TMEM117: variants seen among roughly 807,000 people sequenced by gnomAD.
TMEM117 encodes the protein transmembrane protein 117.
A neutral mutation model predicts 52.4 loss-of-function variants in TMEM117; 27 were observed. The observed-to-expected ratio is 0.51, with a 90% CI of 0.38 to 0.71. The LOEUF (loss-of-function observed/expected upper bound fraction) is 0.71. Among genes scored for constraint, TMEM117 ranks in the 30% least tolerant of loss-of-function variants. TMEM117 has a pLI of 0.00. For missense variants in TMEM117, 556 were observed against 630.5 expected, an observed-to-expected ratio of 0.88 and a Z score of 1.26; for synonymous variants, 215 against 206.3, an observed-to-expected ratio of 1.04 and a Z score of -0.36.
At chr12:44,306,514 A>G (rs1047187813) in intron 6 of TMEM117, among the ~76,000 whole-genome samples, 10 of 152,166 alleles carry the variant, frequency 6.6e-5, no homozygotes, top group African/African-American at 2.2e-4. Flanking sequence ...CAAGTTTTGG[A>G]TCCTTATACT....
At chr12:43,879,399 G>A (rs1179784550) in intron 2 of TMEM117, among the ~76,000 whole-genome samples, 1 of 152,192 alleles carries the variant, frequency 6.6e-6, no homozygotes, top group Non-Finnish European at 1.5e-5. Flanking sequence ...CAACTCCATT[G>A]CTCCCTGTTG....
At chr12:43,889,440 G>A (rs1944061527) in intron 2 of TMEM117, among the ~76,000 whole-genome samples, 1 of 152,140 alleles carries the variant, frequency 6.6e-6, no homozygotes, top group Admixed American at 6.6e-5. Context: ...TCACAATAGG[G>A]TTCACACTCT....
At chr12:44,121,534 A>G (rs1303053700) in intron 3 of TMEM117, among the ~76,000 whole-genome samples, 2 of 152,164 alleles carry the variant, frequency 1.3e-5, no homozygotes, top group African/African-American at 4.8e-5. Flanking sequence ...TTTTCTTAAT[A>G]ACATTTTCTT....
intron 2 of TMEM117, among the ~76,000 whole-genome samples, chr12:43,892,780 T>C (rs2137482264): frequency 6.6e-6 from 1 of 152,274 alleles, no homozygotes; most frequent in South Asian, 2.1e-4. Context: ...TAAGAGAAGA[T>C]AGACTATAAA....
At chr12:43,828,127 G>T in the TMEM117 span, among the ~76,000 whole-genome samples, 5 of 152,232 alleles carry the variant, frequency 3.3e-5, no homozygotes, top group East Asian at 9.6e-4. Context: ...CACCAAGTTT[G>T]TGGTAATTTG....
the TMEM117 span, among the ~76,000 whole-genome samples, chr12:43,803,545 A>T: frequency 6.6e-6 from 1 of 152,148 alleles, no homozygotes; most frequent in Non-Finnish European, 1.5e-5. Flanking sequence ...AAACCAGAAA[A>T]TAATAACTTA....
At chr12:44,009,723 G>T in intron 3 of TMEM117, 1 of 254,994 alleles carries the variant, frequency 3.9e-6, no homozygotes. Context: ...CCCAGCTCAT[G>T]GGCTGTGACC....
Position 43,969,040 on chromosome 12 carries a change from T to C in TMEM117, c.410+24698T>C, listed in dbSNP as rs982053561. 5.4e-5 allele frequency among the ~76,000 whole-genome samples: 8 copies of C among 148,852 alleles called. No homozygotes were observed. In the East Asian group the frequency reaches 1.2e-3, roughly 22 times the overall value. ...ATATAAAAAGATATAATAAAACTGT[T>C]TTGGCTGGTAATGTCACAGTATCAC... On this transcript the variant is annotated intron_variant, in intron 3 of 7. Coordinates refer to ENST00000266534, the MANE Select transcript of TMEM117 (RefSeq NM_032256.3).
chr12:44,196,480 A>C (rs1380202484), intron 4 of TMEM117, among the ~76,000 whole-genome samples: 1 of 152,232 alleles, frequency 6.6e-6, no homozygotes, highest in Non-Finnish European at 1.5e-5. Flanking sequence ...TCAGAAAAGT[A>C]AAATGAAAAT....
At chr12:44,336,563 G>A (rs985344488) in intron 6 of TMEM117, among the ~76,000 whole-genome samples, 2 of 151,876 alleles carry the variant, frequency 1.3e-5, no homozygotes, top group Non-Finnish European at 2.9e-5. Context: ...CTGATTTTTA[G>A]TGATCCGTGG....
intron 3 of TMEM117, among the ~76,000 whole-genome samples, chr12:44,006,708 A>G (rs1237361922): frequency 6.6e-6 from 1 of 152,166 alleles, no homozygotes; most frequent in Non-Finnish European, 1.5e-5. Context: ...ATACATATAG[A>G]TAGATAGGTA....
intron 5 of TMEM117, among the ~76,000 whole-genome samples, chr12:44,225,552 C>A (rs1001722024): frequency 1.3e-5 from 2 of 152,052 alleles, no homozygotes; most frequent in East Asian, 1.9e-4. Context: ...AATCTGAATT[C>A]TAATTTCACA....
chr12:43,984,774 G>T (rs1473984068), intron 3 of TMEM117, among the ~76,000 whole-genome samples: 1 of 150,790 alleles, frequency 6.6e-6, no homozygotes, highest in Non-Finnish European at 1.5e-5. Context: ...TTTGTAATCT[G>T]TTTTTTTTTG....
chr12:43,899,101 A>G (rs906884744), intron 2 of TMEM117, among the ~76,000 whole-genome samples: 4 of 152,234 alleles, frequency 2.6e-5, no homozygotes, highest in Non-Finnish European at 2.9e-5. Context: ...TGAGAATTCA[A>G]TACAAGTCCT....
chr12:44,021,763 T>C (rs986000620), intron 3 of TMEM117, among the ~76,000 whole-genome samples: 1 of 152,170 alleles, frequency 6.6e-6, no homozygotes, highest in African/African-American at 2.4e-5. Flanking sequence ...GTAAGCCACC[T>C]CTCCAAGTTC....
intron 5 of TMEM117, among the ~76,000 whole-genome samples, chr12:44,268,595 C>G (rs1271599124): frequency 1.3e-5 from 2 of 151,832 alleles, no homozygotes; most frequent in Non-Finnish European, 2.9e-5. Context: ...TTATAGAAGA[C>G]TATTATAAAT....
intron 3 of TMEM117, among the ~76,000 whole-genome samples, chr12:43,979,110 G>T (rs1159970910): frequency 6.6e-6 from 1 of 151,780 alleles, no homozygotes; most frequent in Non-Finnish European, 1.5e-5. Flanking sequence ...GTTCAAGGAG[G>T]GGCGAAGCCA....
chr12:43,973,168 A>C (rs1295886449), intron 3 of TMEM117, among the ~76,000 whole-genome samples: 2 of 152,172 alleles, frequency 1.3e-5, no homozygotes, highest in Non-Finnish European at 2.9e-5. Context: ...TTTTCTGAAA[A>C]CAGGTTTTTT....
At chr12:44,322,849 C>A (rs1387721893) in intron 6 of TMEM117, among the ~76,000 whole-genome samples, 2 of 152,014 alleles carry the variant, frequency 1.3e-5, no homozygotes, top group African/African-American at 4.8e-5. Flanking sequence ...ATACTCATAC[C>A]CTACTCCCAG....
Sources: gnomAD v4.1 joint callset for allele counts (sites outside exome capture counted in the v4.1 genomes callset) on GRCh38, gnomAD v4.1.1 for gene constraint, MANE v1.5 for transcripts, NCBI Gene and HGNC (gene_info 2026-07-23, HGNC 2026-07-21) for gene names.